The following FAM13B variants were observed in gnomAD, a reference collection of about 807,000 sequenced individuals.
FAM13B encodes the protein family with sequence similarity 13 member B, also known as protein FAM13B.
A neutral mutation model predicts 117.3 loss-of-function variants in FAM13B; 60 were observed. The ratio of observed to expected loss-of-function variants is 0.51; its 90% CI spans 0.42 to 0.63. The LOEUF (loss-of-function observed/expected upper bound fraction) is 0.63. FAM13B is among the 30% of genes least tolerant of loss of function. The pLI is 0.00. For missense variants in FAM13B, 972 were observed against 1,091.9 expected, an observed-to-expected ratio of 0.89 and a Z score of 1.55; for synonymous variants, 332 against 356.1, an observed-to-expected ratio of 0.93 and a Z score of 0.76.
At chr5:137,976,086 A>G (rs1247628846) in intron 10 of FAM13B, among the ~76,000 whole-genome samples, 1 of 145,756 alleles carries the variant, frequency 6.9e-6, no homozygotes, top group Non-Finnish European at 1.5e-5. Context: ...CCTCCCAAGT[A>G]GCTGGGACTA....
intron 7 of FAM13B, among the ~76,000 whole-genome samples, chr5:137,997,702 A>G (rs985720672): frequency 6.6e-6 from 1 of 152,080 alleles, no homozygotes; most frequent in Non-Finnish European, 1.5e-5. Context: ...GCTAATGACA[A>G]CTGCAGAAAT....
chr5:138,006,559 T>C (rs981580707), intron 7 of FAM13B, among the ~76,000 whole-genome samples: 4 of 152,204 alleles, frequency 2.6e-5, no homozygotes, highest in African/African-American at 7.2e-5. Context: ...CATGTAAATA[T>C]TATCATTTTG....
At chr5:137,985,472 T>C (rs1776954921) in intron 9 of FAM13B, 83 bp from the exon 10 acceptor site, 4 of 1,338,710 alleles carry the variant, frequency 3.0e-6, no homozygotes, top group Non-Finnish European at 4.1e-6. Flanking sequence ...ATATCAATAA[T>C]GATCTGAAAC....
At chr5:137,966,480 T>TAGAGAG (rs1452687913) in intron 10 of FAM13B, among the ~76,000 whole-genome samples, 59 of 59,042 alleles carry the variant, frequency 1.0e-3, no homozygotes, top group East Asian at 1.7e-3. Context: ...TATATATATA[T>TAGAGAG]ATATATATAG....
chr5:137,949,099 A>G lies in FAM13B; in HGVS notation c.2016T>C (p.Ser672=), dbSNP rs777292112. The change falls in exon 18 of 24, where the codon TCT becomes TCC. Residue 672 remains serine (S), a synonymous_variant. Coordinates refer to ENST00000689681, the MANE Select transcript of FAM13B (RefSeq NM_001385994.1). ...CATTCTCTTCATCTTCATGGTCTAG[A>G]GAAGAGCCAAAGCTTTTTGGAAGTG... ...SNTLPKSFGS[S]LDHEDEENED... The G allele has an allele frequency of 3.1e-6, 5 of 1,614,098 alleles. No individual in the cohort carries two copies. Among genetic ancestry groups the G allele is most frequent in the Non-Finnish European group, 2.5e-6 (3 of 1,180,018 alleles).
At chr5:138,045,861 C>T (rs11242413) in intron 1 of FAM13B, among the ~76,000 whole-genome samples, 65,487 of 150,888 alleles carry the variant, frequency 0.43, 14,840 homozygotes, top group East Asian at 0.6. Flanking sequence ...AGGAGAATCA[C>T]TTGAACCCAG....
chr5:137,987,392 A>C, intron 9 of FAM13B, 69 bp downstream of exon 9: 1 of 1,321,640 alleles, frequency 7.6e-7, no homozygotes, highest in African/African-American at 1.5e-5. Flanking sequence ...CTGTTATTTA[A>C]GTAGCAATAC....
chr5:138,010,953 T>A, intron 6 of FAM13B, 55 bp downstream of exon 6: 4 of 1,117,016 alleles, frequency 3.6e-6, no homozygotes, highest in Middle Eastern at 3.0e-4. Flanking sequence ...GAGCATATTA[T>A]TCTTAAAAAA....
chr5:138,015,932 A>G (rs189391437), intron 4 of FAM13B, among the ~76,000 whole-genome samples: 227 of 152,384 alleles, frequency 1.5e-3, no homozygotes, highest in Non-Finnish European at 2.0e-3. Context: ...TCTATGTATA[A>G]GTGGAAAATA....
chr5:138,003,643 TC>T (rs1781813707), intron 7 of FAM13B, among the ~76,000 whole-genome samples: 1 of 152,114 alleles, frequency 6.6e-6, no homozygotes, highest in African/African-American at 2.4e-5. Context: ...TCCCGCACCG[TC>T]CTCAGAGACA....
At chr5:137,952,253 A>C (rs1765240578) in intron 17 of FAM13B, among the ~76,000 whole-genome samples, 1 of 152,178 alleles carries the variant, frequency 6.6e-6, no homozygotes. Context: ...GTCTTAGATG[A>C]AAATACCTAC....
chr5:137,968,599 G>A lies in FAM13B; in HGVS notation c.1180-6130C>T, dbSNP rs1002306866. 2.0e-5 allele frequency among the ~76,000 whole-genome samples: 3 copies of A among 152,048 alleles called. 1 individual carries two copies. The highest frequency in any genetic ancestry group is 4.4e-5 in the Non-Finnish European group (3 of 67,958). Reference sequence around the variant, plus strand: ...AAACATTAAAAAGCAATTTGTGGGGGGAGGAGCCAAGATGGCCGAATAGGA... The same window carrying A: ...AAACATTAAAAAGCAATTTGTGGGGAGAGGAGCCAAGATGGCCGAATAGGA... On this transcript the variant is annotated intron_variant, in intron 10 of 23. Transcript: ENST00000689681.
upstream of FAM13B, chr5:138,033,083 G>A (rs900212793): frequency 1.6e-5 from 16 of 985,966 alleles, no homozygotes; most frequent in African/African-American, 1.7e-5. Context: ...AGCGGCTGGC[G>A]GGCGGAGGCC....
chr5:137,954,311 G>C lies in FAM13B; in HGVS notation c.1573C>G (p.Gln525Glu), dbSNP rs745490049. The C allele has an allele frequency of 7.4e-6, 12 of 1,614,010 alleles. No individual in the cohort carries two copies. The highest frequency in any genetic ancestry group is 1.0e-5 in the Non-Finnish European group (12 of 1,179,974). Residue 525 changes from glutamine to glutamate, a missense_variant, in exon 15 of 24, where the codon CAA (glutamine) becomes GAA (glutamate). By Grantham distance (29) the Gln-to-Glu change is conservative. Coordinates refer to ENST00000689681, the MANE Select transcript of FAM13B (RefSeq NM_001385994.1). The part of the protein sequence containing the change: ...SESGEAQLSP[Q>E]AGRMNHHPLE... ...GGGTGATGATTCATTCTTCCAGCTT[G>C]TGGAGACAGCTGAGCTTCTCCAGAC...
chr5:138,021,022 A>T lies in FAM13B; in HGVS notation c.-36+9T>A. ...AGAGCACGAGATAGTTACCATTTTG[A>T]AAACTTACCTTTCAGTACTTAAATA... is the stretch of plus-strand genomic sequence containing the variant. On this transcript the variant is annotated intron_variant, in intron 2 of 23. Transcript: ENST00000689681. The T allele has an allele frequency of 8.1e-7, 1 of 1,230,814 alleles. No individual in the cohort carries two copies. The highest frequency in any genetic ancestry group is 1.0e-6 in the Non-Finnish European group (1 of 987,464). 76.2% of individuals were successfully genotyped at this position (1,230,814 alleles called of 1,614,324 possible).
At chr5:137,953,603 T>C in intron 15 of FAM13B, 138 bp from the exon 16 acceptor site, 2 of 832,652 alleles carry the variant, frequency 2.4e-6, no homozygotes, top group Non-Finnish European at 3.7e-6. Flanking sequence ...GGACAGGTAG[T>C]ATAAAGAAAC....
At position 137,939,262 on chromosome 5, in the gene FAM13B, A is replaced by C. The variant is rs1760988163; in HGVS notation, c.*963T>G. The C allele has an allele frequency of 6.6e-6, 1 of 152,610 alleles. No homozygotes were observed. The highest frequency in any genetic ancestry group is 1.5e-5 in the Non-Finnish European group (1 of 68,026). 9.5% of individuals were successfully genotyped at this position (152,610 alleles called of 1,614,324 possible). A position where few individuals can be genotyped will look rare whatever the true frequency, so the allele number is the denominator to read the frequency against. On this transcript the variant is annotated 3_prime_UTR_variant, in exon 24 of 24. Coordinates refer to ENST00000689681, the MANE Select transcript of FAM13B (RefSeq NM_001385994.1). ...AGATAACCCCCTGAAGGTACATGTG[A>C]AAATGCAGTGGTAGAGCCCTTGTTA...
chr5:137,959,597 T>A lies in FAM13B; in HGVS notation c.1441+19A>T. 1.2e-6 allele frequency: 2 copies of A among 1,613,234 alleles called. No homozygotes were observed. The highest frequency in any genetic ancestry group is 1.7e-6 in the Non-Finnish European group (2 of 1,179,316). The stretch of plus-strand genomic sequence containing the variant: ...ACAAGTAACATTATCAGGAAAATAA[T>A]GCGTGTGGGTAAAATTACCTTCCCA... On this transcript the variant is annotated intron_variant, in intron 13 of 23. Transcript: ENST00000689681.
At chr5:138,003,680 G>A (rs1418078653) in intron 7 of FAM13B, among the ~76,000 whole-genome samples, 1 of 151,974 alleles carries the variant, frequency 6.6e-6, no homozygotes, top group Non-Finnish European at 1.5e-5. Context: ...CCAGTTCCAC[G>A]CTGGCCATGG....
Sources: gnomAD v4.1 joint callset for allele counts (sites outside exome capture counted in the v4.1 genomes callset) on GRCh38, gnomAD v4.1.1 for gene constraint, MANE v1.5 for transcripts, NCBI Gene and HGNC (gene_info 2026-07-23, HGNC 2026-07-21) for gene names.